Variants in ARMC8 observed in about 807,000 individuals in gnomAD.
ARMC8 encodes armadillo repeat containing 8.
In ARMC8, 20 loss-of-function variants were observed where a neutral mutation model predicts 99.3. The ratio of observed to expected loss-of-function variants is 0.20; its 90% CI spans 0.14 to 0.29. The LOEUF (loss-of-function observed/expected upper bound fraction) is 0.29. Ranked by LOEUF, ARMC8 falls within the 10% of genes least tolerant of loss-of-function variation. The pLI, the probability that ARMC8 is intolerant of heterozygous loss-of-function variation, is 1.00. For missense variants in ARMC8, 569 were observed against 809.5 expected (o/e 0.70, Z 3.60); for synonymous variants, 263 against 278.3 (o/e 0.95, Z 0.55).
In ARMC8 at chr3:138,263,768, A is replaced by G. The variant is rs1202243932; in HGVS notation, c.1164A>G (p.Arg388=). The G allele has an allele frequency of 6.2e-7, 1 of 1,613,906 alleles. No homozygotes were observed. Among genetic ancestry groups the G allele is most frequent in the Non-Finnish European group, 8.5e-7 (1 of 1,179,882 alleles). ...TTGAGACTGAAAATATGATGGACCG[A>G]ATTGTGACTGGCTTGTCTGAGTCTA... ...KIIETENMMD[R]IVTGLSESSV... Residue 388 remains arginine (R), a synonymous_variant, in exon 13 of 22, where the codon CGA becomes CGG. Coordinates refer to ENST00000469044, the MANE Select transcript of ARMC8 (RefSeq NM_001363941.2).
At chr3:138,222,083 T>G (rs1334553315) in intron 3 of ARMC8, 86 bp downstream of exon 3, 4 of 957,250 alleles carry the variant, frequency 4.2e-6, no homozygotes, top group Non-Finnish European at 6.5e-6. Flanking sequence ...CCATTTTTCC[T>G]GTATTGTCTG....
intron 12 of ARMC8, 63 bp from the exon 13 acceptor site, chr3:138,263,676 T>TAC: frequency 7.5e-7 from 1 of 1,341,636 alleles, no homozygotes; most frequent in Non-Finnish European, 1.1e-6. Context: ...TACTTGCATT[T>TAC]ACAAGCAGTG....
At chr3:138,211,907 TA>T (rs946561482) in intron 2 of ARMC8, among the ~76,000 whole-genome samples, 6 of 150,390 alleles carry the variant, frequency 4.0e-5, no homozygotes, top group Admixed American at 6.6e-5. Flanking sequence ...TAAAACAACT[TA>T]AAAAAAAAGA....
At chr3:138,256,402 C>CTTTTTTTTTTTTT (rs71146121) in intron 12 of ARMC8, among the ~76,000 whole-genome samples, 14 of 90,270 alleles carry the variant, frequency 1.6e-4, no homozygotes, top group African/African-American at 5.9e-4. Flanking sequence ...TTTCCTCCTT[C>CTTTTTTTTTTTTT]TTTTTTTTTT....
chr3:138,190,385 C>G (rs1419129251), intron 1 of ARMC8, among the ~76,000 whole-genome samples: 2 of 148,294 alleles, frequency 1.3e-5, no homozygotes, highest in East Asian at 2.0e-4. Context: ...CTCCGGGGTT[C>G]AAGCGATTCT....
chr3:138,226,483 C>T (rs1356931159), intron 5 of ARMC8, among the ~76,000 whole-genome samples: 1 of 152,172 alleles, frequency 6.6e-6, no homozygotes, highest in African/African-American at 2.4e-5. Context: ...TTGGGTTTTG[C>T]ATTTCTAACA....
intron 15 of ARMC8, among the ~76,000 whole-genome samples, chr3:138,269,825 T>TC (rs1433058585): frequency 2.6e-4 from 39 of 150,822 alleles, no homozygotes; most frequent in African/African-American, 9.2e-4. Context: ...TCTTTCTTTT[T>TC]TTTTTTTTTT....
At chr3:138,231,788 G>GC (rs1553758910) in intron 6 of ARMC8, among the ~76,000 whole-genome samples, 5 of 144,974 alleles carry the variant, frequency 3.4e-5, no homozygotes, top group Non-Finnish European at 7.6e-5. Flanking sequence ...TCTGGGGGGG[G>GC]AAAAAAAAAA....
At chr3:138,188,265 T>G in intron 1 of ARMC8, 1 of 684,472 alleles carries the variant, frequency 1.5e-6, no homozygotes, top group Non-Finnish European at 2.2e-6. Context: ...CTGTGCCTGG[T>G]ATTCCGTTTT....
chr3:138,269,905 A>T (rs375452925), intron 15 of ARMC8, 135 bp from the exon 16 acceptor site: 1 of 454,208 alleles, frequency 2.2e-6, no homozygotes, highest in South Asian at 6.0e-5. Flanking sequence ...TGGCTACATC[A>T]CTCCCTGCTT....
chr3:138,192,417 A>G (rs2043444987), intron 1 of ARMC8, among the ~76,000 whole-genome samples: 1 of 151,612 alleles, frequency 6.6e-6, no homozygotes, highest in Non-Finnish European at 1.5e-5. Flanking sequence ...AGCTGGGACT[A>G]CAGGTGCCCG....
At chr3:138,278,648 G>T (rs186971302) in intron 18 of ARMC8, among the ~76,000 whole-genome samples, 2 of 152,224 alleles carry the variant, frequency 1.3e-5, no homozygotes, top group South Asian at 2.1e-4. Context: ...ATAAATTTGG[G>T]AGGACGTGAC....
chr3:138,274,257 G>GTA (rs1419797636), intron 17 of ARMC8, among the ~76,000 whole-genome samples, 192 bp from the exon 18 acceptor site: 1 of 151,778 alleles, frequency 6.6e-6, no homozygotes, highest in Non-Finnish European at 1.5e-5. Context: ...GTGTGTGTGT[G>GTA]TGTATGACAT....
intron 1 of ARMC8, chr3:138,188,487 C>T: frequency 6.2e-7 from 1 of 1,613,088 alleles, no homozygotes; most frequent in South Asian, 1.1e-5. Flanking sequence ...GAGATAACTT[C>T]GAAGGATTTT....
At chr3:138,257,581 C>G (rs1295948362) in intron 12 of ARMC8, among the ~76,000 whole-genome samples, 5 of 152,112 alleles carry the variant, frequency 3.3e-5, no homozygotes, top group Admixed American at 3.3e-4. Flanking sequence ...TGGCCCTTCT[C>G]TTTCCTCCCT....
chr3:138,211,250 A>G (rs2044680270), intron 2 of ARMC8, among the ~76,000 whole-genome samples: 1 of 152,204 alleles, frequency 6.6e-6, no homozygotes, highest in Non-Finnish European at 1.5e-5. Flanking sequence ...AATTCTAAGT[A>G]TTACTTAAAA....
intron 1 of ARMC8, among the ~76,000 whole-genome samples, chr3:138,193,644 G>A (rs1488359534): frequency 6.6e-6 from 1 of 152,158 alleles, no homozygotes; most frequent in Non-Finnish European, 1.5e-5. Context: ...TCTGTAACTT[G>A]CCTTTTCATC....
At chr3:138,187,807 G>C in intron 1 of ARMC8, 1 of 567,782 alleles carries the variant, frequency 1.8e-6, no homozygotes, top group Non-Finnish European at 3.1e-6. Flanking sequence ...CCAACTCCGG[G>C]AGCTCCCGCC....
chr3:138,204,179 C>T (rs1018874320), intron 1 of ARMC8, among the ~76,000 whole-genome samples: 3 of 152,028 alleles, frequency 2.0e-5, no homozygotes, highest in Admixed American at 6.6e-5. Context: ...TTGCAACCTC[C>T]GCCTCTGTGG....
Sources: gnomAD v4.1 joint callset for allele counts (sites outside exome capture counted in the v4.1 genomes callset) on GRCh38, gnomAD v4.1.1 for gene constraint, MANE v1.5 for transcripts, NCBI Gene and HGNC (gene_info 2026-07-23, HGNC 2026-07-21) for gene names.